The following SYN2 variants were observed in gnomAD, a reference collection of about 807,000 sequenced individuals.
SYN2 encodes the protein synapsin II.
SYN2 carries 19 observed loss-of-function variants against 50.9 expected under a neutral mutation model. The observed-to-expected ratio is 0.37, with a 90% CI of 0.26 to 0.55. The LOEUF is 0.55. SYN2 is among the 20% of genes least tolerant of loss of function. The pLI is 0.81. For missense variants in SYN2, 587 were observed against 576.4 expected (o/e 1.02, Z -0.19); for synonymous variants, 255 against 224.9 (o/e 1.13, Z -1.20).
At chr3:12,116,826 C>T (rs983576139) in intron 1 of SYN2, among the ~76,000 whole-genome samples, 3 of 152,112 alleles carry the variant, frequency 2.0e-5, no homozygotes, top group Non-Finnish European at 4.4e-5. Context: ...TCATAGCTCC[C>T]TGTAGCCTCA....
At chr3:12,126,117 C>T (rs1030923942) in intron 1 of SYN2, among the ~76,000 whole-genome samples, 5 of 152,206 alleles carry the variant, frequency 3.3e-5, no homozygotes, top group Admixed American at 1.3e-4. Flanking sequence ...CTCTCTAAAG[C>T]ACAGAATCTG....
chr3:12,088,116 T>C (rs111502126), intron 1 of SYN2, among the ~76,000 whole-genome samples: 6,936 of 151,792 alleles, frequency 0.046, 567 homozygotes, highest in African/African-American at 0.16. Context: ...AACAACAGAG[T>C]GAAGAGACAA....
At chr3:12,167,034 T>C (rs1245393682) in intron 7 of SYN2, among the ~76,000 whole-genome samples, 200 bp from the exon 8 acceptor site, 1 of 152,186 alleles carries the variant, frequency 6.6e-6, no homozygotes, top group Non-Finnish European at 1.5e-5. Context: ...GGCAAGACCC[T>C]TGTAGAGAGG....
chr3:12,182,192 A>G (rs902846289), intron 10 of SYN2, among the ~76,000 whole-genome samples: 5 of 152,200 alleles, frequency 3.3e-5, no homozygotes, highest in African/African-American at 1.2e-4. Context: ...GGGATGTCCA[A>G]GGGAAATGGG....
At chr3:12,048,263 A>G (rs777952238) in intron 1 of SYN2, among the ~76,000 whole-genome samples, 2 of 151,998 alleles carry the variant, frequency 1.3e-5, no homozygotes, top group Non-Finnish European at 2.9e-5. Flanking sequence ...CAGCCATCGG[A>G]CTCAAGCGAT....
At chr3:12,166,082 G>A (rs747098001) in intron 7 of SYN2, among the ~76,000 whole-genome samples, 7 of 152,192 alleles carry the variant, frequency 4.6e-5, no homozygotes, top group Non-Finnish European at 1.0e-4. Flanking sequence ...AGTCAGTACT[G>A]TCCAAGCATA....
At chr3:12,051,139 T>C (rs1365786601) in intron 1 of SYN2, among the ~76,000 whole-genome samples, 4 of 152,188 alleles carry the variant, frequency 2.6e-5, no homozygotes, top group Non-Finnish European at 5.9e-5. Flanking sequence ...TGGATAAGAA[T>C]CCTAGTCTTT....
chr3:12,191,299 C>A lies in SYN2; in HGVS notation c.*674C>A. The stretch of plus-strand genomic sequence containing the variant: ...AGTAACCTTGAACTCCAGAGCTGCA[C>A]TATAGAGGAGAATGCATGCCACTAT... On this transcript the variant is annotated 3_prime_UTR_variant, in exon 13 of 13. Transcript: ENST00000621198. 2 of 510,154 alleles carry A rather than the reference C, an allele frequency of 3.9e-6. No homozygotes were observed. Among genetic ancestry groups the A allele is most frequent in the Non-Finnish European group, 5.1e-6 (2 of 395,856 alleles). 31.6% of individuals were successfully genotyped at this position (510,154 alleles called of 1,614,324 possible).
chr3:12,010,094 C>G (rs1306519901), intron 1 of SYN2, among the ~76,000 whole-genome samples: 1 of 151,932 alleles, frequency 6.6e-6, no homozygotes, highest in African/African-American at 2.4e-5. Context: ...GACTCCATCT[C>G]CAAAAAAATA....
intron 2 of SYN2, among the ~76,000 whole-genome samples, chr3:12,141,642 C>G (rs1697022646): frequency 6.6e-6 from 1 of 152,190 alleles, no homozygotes; most frequent in East Asian, 1.9e-4. Context: ...AGTTTTGCTC[C>G]TTTCTCTGCC....
intron 3 of SYN2, among the ~76,000 whole-genome samples, chr3:12,144,315 C>T (rs1036751664): frequency 2.0e-5 from 3 of 152,202 alleles, no homozygotes; most frequent in African/African-American, 4.8e-5. Flanking sequence ...CCCTAGCCTC[C>T]GCTTTGGAAG....
chr3:12,087,865 AC>A (rs1386121464), intron 1 of SYN2, among the ~76,000 whole-genome samples: 1 of 152,174 alleles, frequency 6.6e-6, no homozygotes, highest in African/African-American at 2.4e-5. Context: ...TGTTGGGAAA[AC>A]TGGATATCTA....
At chr3:12,028,375 A>C (rs1303135357) in intron 1 of SYN2, among the ~76,000 whole-genome samples, 26 of 146,714 alleles carry the variant, frequency 1.8e-4, no homozygotes, top group South Asian at 1.3e-3. Context: ...ATTTATAGTC[A>C]TTTGGGTATA....
At chr3:12,041,739 C>G (rs1183542452) in intron 1 of SYN2, among the ~76,000 whole-genome samples, 1 of 152,204 alleles carries the variant, frequency 6.6e-6, no homozygotes, top group Non-Finnish European at 1.5e-5. Context: ...CAGATAACCT[C>G]TAGTTGCCAC....
intron 1 of SYN2, among the ~76,000 whole-genome samples, chr3:12,094,038 T>G (rs1695880669): frequency 6.6e-6 from 1 of 152,102 alleles, no homozygotes; most frequent in African/African-American, 2.4e-5. Context: ...GTATTTTTAG[T>G]AGAGATGGGA....
chr3:12,093,483 C>T lies in SYN2; in HGVS notation c.378-47168C>T, dbSNP rs921528987. ...TGGGTCAGAGTCTGGGGCTTGTTCT[C>T]CTCCCCTGGTAAGATAGCTAGTTTA... is the stretch of plus-strand genomic sequence containing the variant. On this transcript the variant is annotated intron_variant, in intron 1 of 12. Transcript: ENST00000621198. Among the ~76,000 whole-genome samples the T allele has an allele frequency of 2.0e-5, 3 of 152,268 alleles. No individual in the cohort carries two copies. The South Asian group carries it at 6.2e-4, about 32-fold the overall frequency.
chr3:12,045,514 A>G (rs570305495), intron 1 of SYN2, among the ~76,000 whole-genome samples: 4 of 152,146 alleles, frequency 2.6e-5, no homozygotes, highest in Admixed American at 2.6e-4. Context: ...AGGATGGGGG[A>G]TTCCGTTACT....
chr3:12,065,328 T>C (rs1695193322), intron 1 of SYN2, among the ~76,000 whole-genome samples: 1 of 152,114 alleles, frequency 6.6e-6, no homozygotes, highest in Admixed American at 6.6e-5. Context: ...AGAACTACTA[T>C]TGAACCCAGC....
At chr3:12,053,680 G>C (rs750072914) in intron 1 of SYN2, among the ~76,000 whole-genome samples, 4 of 151,958 alleles carry the variant, frequency 2.6e-5, no homozygotes, top group Non-Finnish European at 4.4e-5. Flanking sequence ...TTCCCCCCTA[G>C]AGTTAATAGT....
Sources: allele counts gnomAD v4.1 joint callset (sites outside exome capture counted in the v4.1 genomes callset), GRCh38; gene constraint gnomAD v4.1.1; transcripts MANE v1.5; gene names NCBI Gene and HGNC (gene_info 2026-07-23, HGNC 2026-07-21).